GALNT14: variants seen among roughly 807,000 people sequenced by gnomAD.
The protein encoded by GALNT14 is polypeptide N-acetylgalactosaminyltransferase 14.
In GALNT14, 60 loss-of-function variants were observed where a neutral mutation model predicts 77.5. The ratio of observed to expected loss-of-function variants is 0.77; its 90% confidence interval spans 0.63 to 0.96. The LOEUF (loss-of-function observed/expected upper bound fraction) is 0.96, where lower values mean the gene tolerates loss of function less well. Among genes scored for constraint, GALNT14 ranks in the 40% least tolerant of loss-of-function variants. The probability of loss-of-function intolerance (pLI) is 0.00; values close to 1 mark genes in which losing one functional copy is unlikely to be tolerated. For synonymous variants in GALNT14, 280 were observed against 281.7 expected, an observed-to-expected ratio of 0.99 and a Z score of 0.06; for missense variants, 710 against 731.0, an observed-to-expected ratio of 0.97 and a Z score of 0.33.
In GALNT14 at chr2:31,137,963, G is replaced by C. The variant is rs199658907; in HGVS notation, c.124C>G (p.Pro42Ala). 1 of 1,612,624 alleles carries C rather than the reference G, an allele frequency of 6.2e-7. No homozygotes were observed. The highest frequency in any genetic ancestry group is 1.3e-5 in the African/African-American group (1 of 74,976). Residue 42 changes from proline to alanine, a missense_variant, in exon 1 of 15, where the codon CCT becomes GCT. By Grantham distance (27) the Pro-to-Ala change is conservative. Coordinates refer to ENST00000349752, the MANE Select transcript of GALNT14 (RefSeq NM_024572.4). ...EVPTGPEVQT[P>A]KPSDADWDDL... ...CGCGCCGGCAAGCCGCCTACCTTAG[G>C]GGTCTGCACTTCAGGTCCCGTCGGC...
intron 1 of GALNT14, among the ~76,000 whole-genome samples, chr2:31,078,153 G>C (rs533573417): frequency 3.7e-4 from 57 of 152,354 alleles, no homozygotes; most frequent in African/African-American, 1.3e-3. Context: ...AAAGGAGCAG[G>C]CTGGAAAATA....
chr2:31,005,695 G>A (rs1670629920), intron 1 of GALNT14, among the ~76,000 whole-genome samples: 1 of 152,174 alleles, frequency 6.6e-6, no homozygotes, highest in Non-Finnish European at 1.5e-5. Context: ...ATGACCGGGT[G>A]CCTCACCTCA....
chr2:31,101,098 T>G (rs1226010348), intron 1 of GALNT14, among the ~76,000 whole-genome samples: 3 of 152,060 alleles, frequency 2.0e-5, no homozygotes, highest in Admixed American at 6.6e-5. Context: ...AGAATAACCT[T>G]AGCCAGTCAA....
At chr2:30,956,905 T>G (rs949242607) in intron 4 of GALNT14, among the ~76,000 whole-genome samples, 2 of 152,218 alleles carry the variant, frequency 1.3e-5, no homozygotes, top group East Asian at 3.8e-4. Flanking sequence ...ATTTTAGACT[T>G]TCCTTTCAGC....
At chr2:30,968,022 G>A (rs748990146) in intron 2 of GALNT14, among the ~76,000 whole-genome samples, 3 of 152,166 alleles carry the variant, frequency 2.0e-5, no homozygotes, top group Non-Finnish European at 4.4e-5. Context: ...CTGTGAAGGT[G>A]TTCCATACTC....
At chr2:31,059,293 AG>A (rs996105096) in intron 1 of GALNT14, among the ~76,000 whole-genome samples, 1 of 152,200 alleles carries the variant, frequency 6.6e-6, no homozygotes, top group African/African-American at 2.4e-5. Flanking sequence ...CAGAAATCAC[AG>A]CCCATTTCTA....
chr2:30,923,055 C>CT (rs1558406610), intron 13 of GALNT14, among the ~76,000 whole-genome samples: 1 of 133,630 alleles, frequency 7.5e-6, no homozygotes, highest in Non-Finnish European at 1.5e-5. Context: ...GACAAACGTG[C>CT]CTTTTTTTTT....
At chr2:31,098,574 A>G (rs1409553477) in intron 1 of GALNT14, among the ~76,000 whole-genome samples, 1 of 152,124 alleles carries the variant, frequency 6.6e-6, no homozygotes, top group East Asian at 1.9e-4. Flanking sequence ...AGTCTGTTGT[A>G]TTATCTTTCC....
chr2:30,978,047 T>C (rs1056800726), intron 2 of GALNT14, among the ~76,000 whole-genome samples: 1 of 152,132 alleles, frequency 6.6e-6, no homozygotes, highest in African/African-American at 2.4e-5. Context: ...CCACCTGCAG[T>C]TAAACCTTCA....
At chr2:30,896,221 T>A in the GALNT14 span, among the ~76,000 whole-genome samples, 2 of 152,372 alleles carry the variant, frequency 1.3e-5, no homozygotes, top group African/African-American at 4.8e-5. Context: ...TCTGAGTCAG[T>A]GGGGTTAACC....
rs182136263 is a variant in GALNT14 at position 31,097,628 on chromosome 2, G to A, written c.129+40330C>T. 9.9e-5 allele frequency among the ~76,000 whole-genome samples: 15 copies of A among 152,198 alleles called. No individual in the cohort carries two copies. The East Asian group carries it at 2.9e-3, about 29-fold the overall frequency. On this transcript the variant is annotated intron_variant, in intron 1 of 14. Transcript: ENST00000349752. The stretch of plus-strand genomic sequence containing the variant: ...AGAAGGACCAGGGTATTATTATCTG[G>A]ACTTTTCAGTTATGTTCACTAATTC...
At chr2:31,117,442 C>T (rs572755916) in intron 1 of GALNT14, among the ~76,000 whole-genome samples, 2 of 152,194 alleles carry the variant, frequency 1.3e-5, no homozygotes, top group South Asian at 4.1e-4. Context: ...GAGAGCATTA[C>T]TAGCAAGAAA....
At chr2:31,042,753 G>A (rs903474962) in intron 1 of GALNT14, among the ~76,000 whole-genome samples, 27 of 152,066 alleles carry the variant, frequency 1.8e-4, no homozygotes, top group Non-Finnish European at 3.4e-4. Flanking sequence ...CGCCACCTCC[G>A]CTGCTGCTAC....
At chr2:31,042,873 T>A (rs1421744031) in intron 1 of GALNT14, among the ~76,000 whole-genome samples, 1 of 152,172 alleles carries the variant, frequency 6.6e-6, no homozygotes, top group African/African-American at 2.4e-5. Flanking sequence ...AATACAACAG[T>A]TAGAATGGTC....
intron 1 of GALNT14, among the ~76,000 whole-genome samples, chr2:31,073,574 C>T (rs1675564253): frequency 6.6e-6 from 1 of 152,048 alleles, no homozygotes; most frequent in Non-Finnish European, 1.5e-5. Flanking sequence ...AAAACAACTG[C>T]AAAGGCCTGA....
At chr2:30,978,417 C>T (rs1234147314) in intron 2 of GALNT14, among the ~76,000 whole-genome samples, 3 of 152,166 alleles carry the variant, frequency 2.0e-5, no homozygotes, top group African/African-American at 4.8e-5. Context: ...TTCAAGCTAC[C>T]GGAGTCAATT....
At chr2:30,917,586 T>G (rs1467456964) in intron 13 of GALNT14, among the ~76,000 whole-genome samples, 1 of 152,214 alleles carries the variant, frequency 6.6e-6, no homozygotes, top group Non-Finnish European at 1.5e-5. Flanking sequence ...GCTGGTTTTG[T>G]TGTAGTTAGA....
At chr2:31,027,412 C>T (rs936494499) in intron 1 of GALNT14, among the ~76,000 whole-genome samples, 42 of 125,472 alleles carry the variant, frequency 3.3e-4, no homozygotes, top group Non-Finnish European at 8.2e-5. Context: ...AGCAAAACTC[C>T]AACTCAAAAC....
At chr2:30,911,393 G>C (rs375138278) in intron 14 of GALNT14, among the ~76,000 whole-genome samples, 2 of 152,192 alleles carry the variant, frequency 1.3e-5, no homozygotes, top group African/African-American at 4.8e-5. Context: ...GCATCTGCAC[G>C]ATGGCAGAGA....
Sources: gnomAD v4.1 joint callset for allele counts (sites outside exome capture counted in the v4.1 genomes callset) on GRCh38, gnomAD v4.1.1 for gene constraint, MANE v1.5 for transcripts, NCBI Gene and HGNC (gene_info 2026-07-23, HGNC 2026-07-21) for gene names.